Variants in CLIC5 observed in about 807,000 individuals in gnomAD.
CLIC5 encodes the protein CLIC family member 5.
In CLIC5, 20 loss-of-function variants were observed where a neutral mutation model predicts 24.7. That is an observed-to-expected ratio of 0.81 (90% CI 0.57 to 1.18). CLIC5 has a LOEUF of 1.18. Ranked by LOEUF, CLIC5 falls within the 50% of genes most tolerant of loss-of-function variation. The pLI, the probability that CLIC5 is intolerant of heterozygous loss-of-function variation, is 0.00. For missense variants in CLIC5, 341 were observed against 326.1 expected, an observed-to-expected ratio of 1.05 and a Z score of -0.35; for synonymous variants, 159 against 135.6, an observed-to-expected ratio of 1.17 and a Z score of -1.20.
the CLIC5 span, among the ~76,000 whole-genome samples, chr6:46,089,059 G>T: frequency 2.6e-5 from 4 of 152,112 alleles, no homozygotes; most frequent in African/African-American, 9.7e-5. Context: ...GTACTCAATT[G>T]ATCTATGCAT....
At chr6:46,057,657 C>T (rs1032680273) in intron 1 of CLIC5, among the ~76,000 whole-genome samples, 1 of 152,144 alleles carries the variant, frequency 6.6e-6, no homozygotes, top group Non-Finnish European at 1.5e-5. Flanking sequence ...AGCAGGGTGC[C>T]AATTTGATTT....
chr6:45,984,424 C>T (rs937440149), intron 1 of CLIC5, among the ~76,000 whole-genome samples: 25 of 152,146 alleles, frequency 1.6e-4, no homozygotes, highest in African/African-American at 5.1e-4. Context: ...GACTTCTACC[C>T]GGCTGTGTGG....
At chr6:46,095,890 T>C in the CLIC5 span, among the ~76,000 whole-genome samples, 1 of 140,794 alleles carries the variant, frequency 7.1e-6, no homozygotes, top group African/African-American at 2.6e-5. Context: ...TATTTTCAGA[T>C]ATCTTTATCC....
chr6:45,931,986 A>G (rs1375788668), intron 4 of CLIC5, among the ~76,000 whole-genome samples: 2 of 152,152 alleles, frequency 1.3e-5, no homozygotes, highest in African/African-American at 2.4e-5. Flanking sequence ...GTGTCGTACA[A>G]TCAATGACAC....
intron 3 of CLIC5, among the ~76,000 whole-genome samples, chr6:45,945,657 C>T (rs1189695922): frequency 6.6e-6 from 1 of 152,130 alleles, no homozygotes; most frequent in Non-Finnish European, 1.5e-5. Flanking sequence ...CATAGCACAA[C>T]CTAGTGGTAT....
At chr6:46,033,038 G>C (rs1323808293) in intron 1 of CLIC5, among the ~76,000 whole-genome samples, 1 of 142,994 alleles carries the variant, frequency 7.0e-6, no homozygotes, top group Admixed American at 7.3e-5. Flanking sequence ...ACCCAGGCTG[G>C]AGTGCAGTGG....
At chr6:45,950,835 C>T (rs1764446765) in intron 2 of CLIC5, among the ~76,000 whole-genome samples, 1 of 151,962 alleles carries the variant, frequency 6.6e-6, no homozygotes, top group South Asian at 2.1e-4. Flanking sequence ...ATTTTGAGAA[C>T]ATTTACTAGA....
chr6:45,918,286 G>A (rs534729378), intron 4 of CLIC5, among the ~76,000 whole-genome samples: 5 of 152,014 alleles, frequency 3.3e-5, no homozygotes, highest in Non-Finnish European at 5.9e-5. Context: ...TTGTTTTCTC[G>A]TCGTAGAGAA....
At chr6:45,967,184 A>G (rs1432976777) in intron 1 of CLIC5, among the ~76,000 whole-genome samples, 1 of 152,190 alleles carries the variant, frequency 6.6e-6, no homozygotes, top group East Asian at 1.9e-4. Context: ...TCCACTCTCA[A>G]CTATATGCAG....
chr6:46,111,589 T>G, the CLIC5 span, among the ~76,000 whole-genome samples: 1 of 152,252 alleles, frequency 6.6e-6, no homozygotes, highest in African/African-American at 2.4e-5. Context: ...TTAAATTTAG[T>G]CTTTTTTGCT....
At chr6:45,967,182 C>G (rs1171694281) in intron 1 of CLIC5, among the ~76,000 whole-genome samples, 2 of 152,210 alleles carry the variant, frequency 1.3e-5, no homozygotes, top group Middle Eastern at 3.2e-3. Flanking sequence ...TCTCCACTCT[C>G]AACTATATGC....
intron 1 of CLIC5, among the ~76,000 whole-genome samples, chr6:46,067,464 C>T (rs1292751970): frequency 4.6e-5 from 7 of 152,154 alleles, no homozygotes. Flanking sequence ...TCTAGTTTGG[C>T]TTCTGTGTCT....
At position 45,967,921 on chromosome 6, in the gene CLIC5, C is replaced by T. The variant is rs145969132; in HGVS notation, c.64-12677G>A. Among the ~76,000 whole-genome samples the T allele has an allele frequency of 9.0e-4, 137 of 152,284 alleles. No homozygotes were observed. In the Middle Eastern group the frequency reaches 0.017, roughly 19 times the overall value. On this transcript the variant is annotated intron_variant, in intron 1 of 5. Coordinates refer to ENST00000339561, the MANE Select transcript of CLIC5 (RefSeq NM_016929.5). ...GGAACCAACCCCATGATCCAAACAC[C>T]TCCCACCAGGCCCTGCCTCCAATAT...
At chr6:46,062,397 A>C (rs904094498) in intron 1 of CLIC5, among the ~76,000 whole-genome samples, 1 of 152,210 alleles carries the variant, frequency 6.6e-6, no homozygotes, top group Non-Finnish European at 1.5e-5. Context: ...TCAGAACATT[A>C]GTTGTTTCTT....
chr6:46,073,117 G>A (rs562977990), intron 1 of CLIC5, among the ~76,000 whole-genome samples: 1 of 152,162 alleles, frequency 6.6e-6, no homozygotes, highest in East Asian at 1.9e-4. Flanking sequence ...TTGATTAATG[G>A]CATTGATTCA....
chr6:45,898,374 A>G (rs1005016138), downstream of CLIC5: 2 of 152,372 alleles, frequency 1.3e-5, no homozygotes, highest in African/African-American at 4.8e-5. Flanking sequence ...TTATGTGGAA[A>G]AAAAAAAGGT....
chr6:45,931,309 A>G (rs1763727539), intron 4 of CLIC5, among the ~76,000 whole-genome samples: 1 of 152,216 alleles, frequency 6.6e-6, no homozygotes, highest in Non-Finnish European at 1.5e-5. Context: ...TTTCCAGGCA[A>G]GAGGGACAGA....
intron 5 of CLIC5, chr6:45,912,827 G>T: frequency 1.1e-6 from 1 of 933,548 alleles, no homozygotes; most frequent in Non-Finnish European, 1.7e-6. Context: ...ACCTACAAGT[G>T]ACTATTGGCT....
chr6:45,995,472 A>C lies in CLIC5; in HGVS notation c.63+20008T>G, dbSNP rs369548444. Among the ~76,000 whole-genome samples the C allele has an allele frequency of 2.5e-4, 38 of 152,346 alleles. 3 individuals are homozygous for C. In the East Asian group the frequency reaches 2.9e-3, roughly 12 times the overall value. ...ACTCACAGTGTGATCTGCTTTACGC[A>C]GGCCTCCCAAGGCTGGCCCAGCAAC... On this transcript the variant is annotated intron_variant, in intron 1 of 5. Coordinates refer to ENST00000339561, the MANE Select transcript of CLIC5 (RefSeq NM_016929.5).
Sources: gnomAD v4.1 joint callset for allele counts (sites outside exome capture counted in the v4.1 genomes callset) on GRCh38, gnomAD v4.1.1 for gene constraint, MANE v1.5 for transcripts, NCBI Gene and HGNC (gene_info 2026-07-23, HGNC 2026-07-21) for gene names.